The following ROR2 variants were observed in gnomAD, a reference collection of about 807,000 sequenced individuals.
ROR2 encodes the protein ROR family WNT receptor 2.
ROR2 carries 33 observed loss-of-function variants against 74.9 expected under a neutral mutation model. The ratio of observed to expected loss-of-function variants is 0.44; its 90% CI spans 0.33 to 0.59. The LOEUF is 0.59. Ranked by LOEUF, ROR2 falls within the 20% of genes least tolerant of loss-of-function variation. The pLI, the probability that ROR2 is intolerant of heterozygous loss-of-function variation, is 0.02. For synonymous variants in ROR2, 586 were observed against 558.7 expected (o/e 1.05, Z -0.69); for missense variants, 1,216 against 1,313.8 (o/e 0.93, Z 1.15).
chr9:91,892,326 C>G (rs1176877361), intron 1 of ROR2, among the ~76,000 whole-genome samples: 2 of 152,196 alleles, frequency 1.3e-5, no homozygotes, highest in Non-Finnish European at 2.9e-5. Context: ...CTGCCATCGT[C>G]TGCAGAAGGG....
chr9:91,741,956 A>T (rs1825266399), intron 4 of ROR2, among the ~76,000 whole-genome samples: 1 of 152,262 alleles, frequency 6.6e-6, no homozygotes, highest in South Asian at 2.1e-4. Context: ...ACCCGTGGTC[A>T]AGAGAAACAA....
chr9:91,814,354 G>A (rs17514885), intron 1 of ROR2, among the ~76,000 whole-genome samples: 17,753 of 152,128 alleles, frequency 0.12, 1,272 homozygotes, highest in South Asian at 0.17. Context: ...ACTCCTGTCC[G>A]TTCGTCAGAG....
At chr9:91,758,771 G>A (rs1825831760) in intron 2 of ROR2, among the ~76,000 whole-genome samples, 1 of 152,234 alleles carries the variant, frequency 6.6e-6, no homozygotes, top group African/African-American at 2.4e-5. Flanking sequence ...AAAGGAGGAG[G>A]GATGTGTGTG....
At chr9:91,753,737 C>T (rs1480130641) in intron 4 of ROR2, among the ~76,000 whole-genome samples, 1 of 152,082 alleles carries the variant, frequency 6.6e-6, no homozygotes, top group Non-Finnish European at 1.5e-5. Flanking sequence ...CTGGAAACCT[C>T]AAATACACTG....
intron 2 of ROR2, among the ~76,000 whole-genome samples, chr9:91,760,502 C>T (rs542563015): frequency 2.6e-4 from 40 of 152,068 alleles, no homozygotes; most frequent in African/African-American, 8.7e-4. Context: ...GGCGAGGTGG[C>T]GGGCGCCTGT....
At chr9:91,911,704 T>A (rs1830986622) in intron 1 of ROR2, among the ~76,000 whole-genome samples, 1 of 151,894 alleles carries the variant, frequency 6.6e-6, no homozygotes, top group Non-Finnish European at 1.5e-5. Context: ...GAGGAGAACA[T>A]GATGAGAAAC....
At chr9:91,833,083 A>G (rs914397370) in intron 1 of ROR2, among the ~76,000 whole-genome samples, 1 of 152,166 alleles carries the variant, frequency 6.6e-6, no homozygotes, top group African/African-American at 2.4e-5. Flanking sequence ...AAAGAGGGAC[A>G]GGGAAGGTGG....
At chr9:91,823,175 C>A (rs1828184706) in intron 1 of ROR2, among the ~76,000 whole-genome samples, 2 of 152,084 alleles carry the variant, frequency 1.3e-5, no homozygotes, top group African/African-American at 4.8e-5. Context: ...TATCAAGTAA[C>A]CATTAGACGA....
At chr9:91,936,946 C>G (rs904866465) in intron 1 of ROR2, among the ~76,000 whole-genome samples, 1 of 139,392 alleles carries the variant, frequency 7.2e-6, no homozygotes, top group Non-Finnish European at 1.5e-5. Flanking sequence ...AGGGGAATGG[C>G]GTGAACCCGG....
chr9:91,728,916 C>T (rs1038306443), intron 7 of ROR2, among the ~76,000 whole-genome samples: 5 of 152,192 alleles, frequency 3.3e-5, no homozygotes, highest in African/African-American at 1.2e-4. Flanking sequence ...TACTGATAAA[C>T]AGTCTGTTTT....
intron 1 of ROR2, among the ~76,000 whole-genome samples, chr9:91,838,217 A>T (rs1242552363): frequency 6.6e-6 from 1 of 152,196 alleles, no homozygotes; most frequent in Non-Finnish European, 1.5e-5. Flanking sequence ...CCCCTTTGAA[A>T]TGCTCAACTT....
intron 1 of ROR2, among the ~76,000 whole-genome samples, chr9:91,886,189 A>G (rs1401977130): frequency 1.3e-5 from 2 of 152,228 alleles, no homozygotes; most frequent in Non-Finnish European, 1.5e-5. Context: ...GTTACTTTTT[A>G]AAAGGCGCAT....
intron 1 of ROR2, among the ~76,000 whole-genome samples, chr9:91,942,469 C>A (rs574324570): frequency 6.0e-4 from 91 of 152,254 alleles, no homozygotes; most frequent in African/African-American, 2.2e-3. Flanking sequence ...ATGACGCCTG[C>A]CCAAATCAAT....
chr9:91,939,605 TTC>T (rs1444682329), intron 1 of ROR2, among the ~76,000 whole-genome samples: 1 of 152,134 alleles, frequency 6.6e-6, no homozygotes, highest in Non-Finnish European at 1.5e-5. Flanking sequence ...CCCTCATCTG[TTC>T]TCTCTGTGGT....
chr9:91,897,588 G>A (rs1830566948), intron 1 of ROR2, among the ~76,000 whole-genome samples: 1 of 150,180 alleles, frequency 6.7e-6, no homozygotes, highest in Non-Finnish European at 1.5e-5. Context: ...TCCAGGTGGG[G>A]GGAACCACCT....
chr9:91,929,899 T>C (rs1831506755), intron 1 of ROR2, among the ~76,000 whole-genome samples: 1 of 152,100 alleles, frequency 6.6e-6, no homozygotes, highest in African/African-American at 2.4e-5. Flanking sequence ...TCCCACATCA[T>C]TGAACACAGA....
At chr9:91,815,599 T>C (rs1462063813) in intron 1 of ROR2, among the ~76,000 whole-genome samples, 2 of 152,238 alleles carry the variant, frequency 1.3e-5, no homozygotes, top group African/African-American at 2.4e-5. Context: ...TAAATACTGT[T>C]CTTAACTCAG....
rs1829417714 is a variant in ROR2 at position 91,859,888 on chromosome 9, T to C, written c.98-84070A>G. ...CACAATAAGTACATGCAGCTCCACC[T>C]GGCGGGACCATCACAAAGAAAAGCA... On this transcript the variant is annotated intron_variant, in intron 1 of 8. Transcript: ENST00000375708. Among the ~76,000 whole-genome samples the C allele has an allele frequency of 2.0e-5, 3 of 152,172 alleles. No homozygotes were observed. The South Asian group carries it at 6.2e-4, about 31-fold the overall frequency.
At chr9:91,949,611 C>T (rs1485474895) in intron 1 of ROR2, among the ~76,000 whole-genome samples, 1 of 151,736 alleles carries the variant, frequency 6.6e-6, no homozygotes, top group Non-Finnish European at 1.5e-5. Context: ...CGAGAGGCTC[C>T]CAGCCGCCGC....
Sources: allele counts gnomAD v4.1 joint callset (sites outside exome capture counted in the v4.1 genomes callset), GRCh38; gene constraint gnomAD v4.1.1; transcripts MANE v1.5; gene names NCBI Gene and HGNC (gene_info 2026-07-23, HGNC 2026-07-21).